Variants in DIAPH1 observed in about 807,000 individuals in gnomAD.
DIAPH1 encodes the protein diaphanous related formin 1.
DIAPH1 carries 46 observed loss-of-function variants against 140.7 expected under a neutral mutation model. That is an observed-to-expected ratio of 0.33 (90% CI 0.26 to 0.42). The LOEUF (loss-of-function observed/expected upper bound fraction) is 0.42. Ranked by LOEUF, DIAPH1 falls within the 10% of genes least tolerant of loss-of-function variation. The pLI, the probability that DIAPH1 is intolerant of heterozygous loss-of-function variation, is 1.00. For missense variants in DIAPH1, 1,310 were observed against 1,558.7 expected (o/e 0.84, Z 2.69); for synonymous variants, 565 against 551.6 (o/e 1.02, Z -0.34).
In DIAPH1 at chr5:141,516,609, T is replaced by TA; in HGVS notation, c.*241dup. 1.8e-6 allele frequency: 1 copy of TA among 567,344 alleles called. No individual in the cohort carries two copies. Among genetic ancestry groups the TA allele is most frequent in the Non-Finnish European group, 3.2e-6 (1 of 315,638 alleles). The allele number at this position is 567,344 out of a possible 1,614,324, so 35.1% of individuals were successfully genotyped here. A position where few individuals can be genotyped will look rare whatever the true frequency, so the allele number is the denominator to read the frequency against. On this transcript the variant is annotated 3_prime_UTR_variant, in exon 28 of 28. Transcript: ENST00000389054. ...GCAAACATGGACCCTGCTTTGGTAA[T>TA]ACAACAGCCAGGGCTGGCTAAGTCG...
chr5:141,578,385 CCT>C, intron 10 of DIAPH1, 42 bp from the exon 11 acceptor site: 5 of 1,562,272 alleles, frequency 3.2e-6, no homozygotes, highest in Non-Finnish European at 4.4e-6. Flanking sequence ...CCAAAAGTAT[CCT>C]CTGTGGTTAG....
At chr5:141,562,763 A>G (rs1303404122) in intron 18 of DIAPH1, among the ~76,000 whole-genome samples, 3 of 152,156 alleles carry the variant, frequency 2.0e-5, no homozygotes, top group African/African-American at 7.2e-5. Context: ...TCAGCAGCAA[A>G]GTCATTTCAG....
Position 141,573,545 on chromosome 5 carries a change from G to A in DIAPH1, c.2305C>T (p.Pro769Ser). Residue 769 changes from proline (P) to serine (S), a missense_variant, in exon 16 of 28, where the codon CCC (proline) becomes TCC (serine). By Grantham distance (74) the Pro-to-Ser change is moderately conservative. Transcript: ENST00000389054. ...AAPVLPFGLT[P>S]KKLYKPEVQL... is the part of the protein sequence containing the mutation. ...ACCTCTGGCTTATAAAGCTTTTTGG[G>A]GGTTAATCCAAATGGCAGAACTGGG... 1 of 1,614,072 alleles carries A rather than the reference G, an allele frequency of 6.2e-7. No homozygotes were observed. Among genetic ancestry groups the A allele is most frequent in the Non-Finnish European group, 8.5e-7 (1 of 1,179,986 alleles).
intron 25 of DIAPH1, 37 bp downstream of exon 25, chr5:141,526,260 C>A: frequency 6.2e-7 from 1 of 1,614,068 alleles, no homozygotes; most frequent in East Asian, 2.2e-5. Context: ...TGAGAAATGC[C>A]CACAAAAGAT....
intron 1 of DIAPH1, among the ~76,000 whole-genome samples, chr5:141,601,374 C>T (rs958154381): frequency 5.3e-5 from 8 of 151,980 alleles, no homozygotes; most frequent in Non-Finnish European, 8.8e-5. Context: ...CTGCAACCTC[C>T]GCCTTCTAGG....
chr5:141,564,559 A>G (rs2099894088), intron 18 of DIAPH1: 1 of 152,256 alleles, frequency 6.6e-6, no homozygotes, highest in African/African-American at 2.4e-5. Context: ...CCTTCGCGCA[A>G]TAGTTTTAAA....
In DIAPH1 at chr5:141,582,444, A is replaced by G. The variant is rs2099896916; in HGVS notation, c.621-69T>C. On this transcript the variant is annotated intron_variant, in intron 6 of 27. Coordinates refer to ENST00000389054, the MANE Select transcript of DIAPH1 (RefSeq NM_005219.5). ...CCCCTTTCCCATTTTTAATCTTGCA[A>G]ACAAGGTTCTTAGGAACAACAGCCC... 3.3e-6 allele frequency: 4 copies of G among 1,216,444 alleles called. No homozygotes were observed. In the East Asian group the frequency reaches 9.3e-5, roughly 28 times the overall value. 75.4% of individuals were successfully genotyped at this position (1,216,444 alleles called of 1,614,324 possible). A position where few individuals can be genotyped will look rare whatever the true frequency, so the allele number is the denominator to read the frequency against.
At position 141,583,352 on chromosome 5, in the gene DIAPH1, A is replaced by G. The variant is rs957217459; in HGVS notation, c.534-60T>C. The G allele has an allele frequency of 3.1e-5, 50 of 1,606,494 alleles. No homozygotes were observed. The African/African-American group carries it at 6.1e-4, about 20-fold the overall frequency. On this transcript the variant is annotated intron_variant, in intron 5 of 27. Coordinates refer to ENST00000389054, the MANE Select transcript of DIAPH1 (RefSeq NM_005219.5). ...ACCAATAAATACTTATTTGCCAAAC[A>G]AAGTTTATCCTGACAACTTACTACT...
chr5:141,576,362 C>T (rs2099895968), intron 13 of DIAPH1, 68 bp from the exon 14 acceptor site: 1 of 1,180,524 alleles, frequency 8.5e-7, no homozygotes, highest in Non-Finnish European at 1.3e-6. Flanking sequence ...ACACTACACC[C>T]TTCCAAAGAA....
At chr5:141,578,197 G>T (rs753865789) in intron 11 of DIAPH1, 28 bp downstream of exon 11, 1 of 1,513,222 alleles carries the variant, frequency 6.6e-7, no homozygotes, top group South Asian at 1.1e-5. Flanking sequence ...TGTCTCATCT[G>T]CCTTGAACCT....
At chr5:141,526,544 T>A (rs1365748138) in intron 24 of DIAPH1, 83 bp from the exon 25 acceptor site, 1 of 1,543,194 alleles carries the variant, frequency 6.5e-7, no homozygotes, top group Non-Finnish European at 9.0e-7. Flanking sequence ...CAAAGATGAG[T>A]ACTGGCATGC....
At chr5:141,535,197 G>A (rs1307950967) in intron 18 of DIAPH1, among the ~76,000 whole-genome samples, 1 of 152,104 alleles carries the variant, frequency 6.6e-6, no homozygotes, top group Non-Finnish European at 1.5e-5. Context: ...CAATCTGCCT[G>A]CCTCAGCCTC....
In DIAPH1 at chr5:141,528,555, T is replaced by G; in HGVS notation, c.3046A>C (p.Lys1016Gln). Residue 1016 changes from lysine (K) to glutamine (Q), a missense_variant, in exon 23 of 28, where the codon AAG becomes CAG. Around this residue, in one of 3 missense-constraint regions of DIAPH1, gnomAD observed 344 missense variants for 512.2 expected, o/e 0.67. Transcript: ENST00000389054. Reference sequence around the variant, plus strand: ...GCCAAGAAGTGTAACAACGTCATCTTCTGATCTGTGGACTTGGTGTCTCGA... The same window carrying G: ...GCCAAGAAGTGTAACAACGTCATCTGCTGATCTGTGGACTTGGTGTCTCGA... The part of the protein sequence containing the change: ...KLRDTKSTDQ[K>Q]MTLLHFLAEL... 1 of 1,614,194 alleles carries G rather than the reference T, an allele frequency of 6.2e-7. No homozygotes were observed. The highest frequency in any genetic ancestry group is 8.5e-7 in the Non-Finnish European group (1 of 1,180,040).
chr5:141,558,184 A>C (rs2099892943), intron 18 of DIAPH1: 1 of 152,248 alleles, frequency 6.6e-6, no homozygotes, highest in South Asian at 2.1e-4. Flanking sequence ...AGGCACAAGA[A>C]GGGAAAATAA....
intron 1 of DIAPH1, among the ~76,000 whole-genome samples, chr5:141,590,247 T>G (rs1191503733): frequency 6.6e-6 from 1 of 152,190 alleles, no homozygotes; most frequent in Non-Finnish European, 1.5e-5. Flanking sequence ...CTGGTGCTTT[T>G]GAAATAAAAT....
At chr5:141,547,684 G>C (rs1459810339) in intron 18 of DIAPH1, among the ~76,000 whole-genome samples, 1 of 152,052 alleles carries the variant, frequency 6.6e-6, no homozygotes, top group Non-Finnish European at 1.5e-5. Context: ...CATTGAAAAG[G>C]CCAATGGTCC....
At chr5:141,563,707 A>G (rs1446647897) in intron 18 of DIAPH1, 2 of 152,212 alleles carry the variant, frequency 1.3e-5, no homozygotes, top group South Asian at 2.1e-4. Context: ...ATTTCAGTCT[A>G]TATGTTTCTA....
At chr5:141,598,165 T>G (rs1470264877) in intron 1 of DIAPH1, among the ~76,000 whole-genome samples, 1 of 152,238 alleles carries the variant, frequency 6.6e-6, no homozygotes, top group Non-Finnish European at 1.5e-5. Context: ...CATCTAACAG[T>G]GGCAATGCCA....
Position 141,582,354 on chromosome 5 carries a change from C to T in DIAPH1, c.642G>A (p.Lys214=), listed in dbSNP as rs781295000. 3 of 1,613,766 alleles carry T rather than the reference C, an allele frequency of 1.9e-6. No homozygotes were observed. The highest frequency in any genetic ancestry group is 1.1e-5 in the South Asian group (1 of 91,068). The change falls in exon 7 of 28, where the codon AAG becomes AAA. Residue 214 remains lysine, a synonymous_variant. Coordinates refer to ENST00000389054, the MANE Select transcript of DIAPH1 (RefSeq NM_005219.5). ...ETAGSYDSRN[K]HEIIRCLKAF... Reference sequence around the variant, plus strand: ...CTTTCAAGCAGCGAATGATCTCATGCTTGTTCCGGCTATCGTAACTCCTGT... The same window carrying T: ...CTTTCAAGCAGCGAATGATCTCATGTTTGTTCCGGCTATCGTAACTCCTGT...
Sources: allele counts gnomAD v4.1 joint callset (sites outside exome capture counted in the v4.1 genomes callset), GRCh38; gene constraint gnomAD v4.1.1; regional missense constraint gnomAD v4.1.1; transcripts MANE v1.5; gene names NCBI Gene and HGNC (gene_info 2026-07-23, HGNC 2026-07-21).